ARID1A: variants seen among roughly 807,000 people sequenced by gnomAD.
ARID1A encodes AT-rich interaction domain 1A.
In ARID1A, 20 loss-of-function variants were observed where a neutral mutation model predicts 212.6. That is an observed-to-expected ratio of 0.09 (90% CI 0.07 to 0.14). The LOEUF (loss-of-function observed/expected upper bound fraction) is 0.14, where lower values mean the gene tolerates loss of function less well. ARID1A is among the 10% of genes least tolerant of loss of function. The pLI is 1.00. For synonymous variants in ARID1A, 1,376 were observed against 1,222.1 expected (o/e 1.13, Z -2.63); for missense variants, 2,587 against 3,059.0 (o/e 0.85, Z 3.64).
rs369299358 is a variant in ARID1A, at chr1:26,773,338, A to G, written c.3716-8A>G. ...CAGTTTGTTCACCGCTTGCCTTTCT[A>G]CGCTCAGCTCCAGGGAGTGATCCCT... On this transcript the variant is annotated splice_polypyrimidine_tract_variant and splice_region_variant and intron_variant, in intron 14 of 19. Transcript: ENST00000324856. The G allele has an allele frequency of 5.1e-6, 8 of 1,561,884 alleles. No homozygotes were observed. The highest frequency in any genetic ancestry group is 2.0e-5 in the Admixed American group (1 of 50,280).
chr1:26,725,075 ATG>A (rs2080603943), intron 1 of ARID1A, among the ~76,000 whole-genome samples: 1 of 152,004 alleles, frequency 6.6e-6, no homozygotes. Flanking sequence ...CCTCTCAATT[ATG>A]TGTCTCTGTG....
intron 4 of ARID1A, among the ~76,000 whole-genome samples, chr1:26,754,873 C>CT (rs1343548222): frequency 6.6e-6 from 1 of 152,204 alleles, no homozygotes; most frequent in Non-Finnish European, 1.5e-5. Flanking sequence ...GATCCCAGCA[C>CT]TTTGGGAGGC....
rs769457045 is a variant in ARID1A, at chr1:26,696,399, G to C, written c.-5G>C. On this transcript the variant is annotated 5_prime_UTR_variant, in exon 1 of 20. Transcript: ENST00000324856. Reference sequence around the variant, plus strand: ...GGTCTCTCCGCGGACGAGACAGCGGGGATCATGGCCGCGCAGGTCGCCCCC... The same window carrying C: ...GGTCTCTCCGCGGACGAGACAGCGGCGATCATGGCCGCGCAGGTCGCCCCC... 5.5e-6 allele frequency: 7 copies of C among 1,273,082 alleles called. No individual in the cohort carries two copies. Among genetic ancestry groups the C allele is most frequent in the African/African-American group, 1.6e-5 (1 of 63,436 alleles). 78.9% of individuals were successfully genotyped at this position (1,273,082 alleles called of 1,614,324 possible). A position where few individuals can be genotyped will look rare whatever the true frequency, so the allele number is the denominator to read the frequency against.
At chr1:26,747,334 T>G (rs868005653) in intron 4 of ARID1A, among the ~76,000 whole-genome samples, 4 of 152,184 alleles carry the variant, frequency 2.6e-5, no homozygotes, top group African/African-American at 9.7e-5. Context: ...CTAGCTTCCT[T>G]CCCATTTGAC....
At chr1:26,773,230 C>CT in intron 14 of ARID1A, 116 bp from the exon 15 acceptor site, 1 of 1,423,962 alleles carries the variant, frequency 7.0e-7, no homozygotes, top group Non-Finnish European at 9.5e-7. Context: ...CTGTTTTGAA[C>CT]TTGTCTGGAA....
intron 10 of ARID1A, 23 bp downstream of exon 10, chr1:26,766,589 C>T: frequency 6.3e-7 from 1 of 1,578,432 alleles, no homozygotes; most frequent in Admixed American, 1.9e-5. Flanking sequence ...GTCTTGACTC[C>T]TTTCAACTTT....
chr1:26,733,403 C>A (rs2080699166), intron 4 of ARID1A, among the ~76,000 whole-genome samples: 1 of 152,072 alleles, frequency 6.6e-6, no homozygotes, highest in African/African-American at 2.4e-5. Flanking sequence ...AGCCAGAGTT[C>A]CTGGCTCTAG....
At chr1:26,773,295 C>A (rs2081100288) in intron 14 of ARID1A, 51 bp from the exon 15 acceptor site, 1 of 1,524,212 alleles carries the variant, frequency 6.6e-7, no homozygotes, top group African/African-American at 1.4e-5. Flanking sequence ...GGGTAGATTA[C>A]CAGGCTTGTC....
chr1:26,780,541 C>G lies in ARID1A; in HGVS notation c.6643C>G (p.Leu2215Val), dbSNP rs2124151332. ...ACAGTTCCAGCAGAGCCAGGCCAGC[C>G]TCCTCCACATGCAGAACCCACCCTT... ...ATQFQQSQAS[L>V]LHMQNPPFEP... The change falls in exon 20 of 20, where the codon CTC (leucine) becomes GTC (valine). Residue 2215 changes from leucine to valine, a missense_variant. Around this residue, in one of 11 missense-constraint regions of ARID1A, gnomAD observed 24 missense variants for 16.5 expected, o/e 1.46. Transcript: ENST00000324856. This position sits in a 1 kb window ranked among gnomAD's most constrained non-coding sequence, Gnocchi z 7.2. 1 of 1,614,172 alleles carries G rather than the reference C, an allele frequency of 6.2e-7. No individual in the cohort carries two copies. Among genetic ancestry groups the G allele is most frequent in the South Asian group, 1.1e-5 (1 of 91,088 alleles).
chr1:26,705,652 A>G (rs1393001594), intron 1 of ARID1A, among the ~76,000 whole-genome samples: 1 of 152,218 alleles, frequency 6.6e-6, no homozygotes, highest in Non-Finnish European at 1.5e-5. Flanking sequence ...AACTCTGATC[A>G]TTCCCAGGTT....
intron 11 of ARID1A, chr1:26,769,531 G>C (rs550967085): frequency 2.0e-5 from 3 of 152,150 alleles, no homozygotes. Context: ...TTCCCACCAA[G>C]GCCATCTCCA....
chr1:26,759,459 C>T (rs1046421329), intron 4 of ARID1A, among the ~76,000 whole-genome samples: 4 of 152,116 alleles, frequency 2.6e-5, no homozygotes, highest in Non-Finnish European at 4.4e-5. Context: ...CTGCCCGCCT[C>T]GGCCTCCCAA....
rs370142648 is a variant in ARID1A, at chr1:26,775,691, C to G, written c.5108C>G (p.Thr1703Ser). 8.1e-6 allele frequency: 13 copies of G among 1,614,082 alleles called. No homozygotes were observed. Among genetic ancestry groups the G allele is most frequent in the African/African-American group, 1.3e-5 (1 of 74,910 alleles). The change falls in exon 19 of 20, where the codon ACC (threonine) becomes AGC (serine). Residue 1703 changes from threonine (T) to serine (S), a missense_variant. By Grantham distance (58) the Thr-to-Ser change is moderately conservative. This residue lies in a region of ARID1A where 890 missense variants were observed against 1,098.2 expected (regional missense o/e 0.81). Coordinates refer to ENST00000324856, the MANE Select transcript of ARID1A (RefSeq NM_006015.6). ...ILLYDDNSIM[T>S]FNLSQLPGLL... ...CTGTATGATGACAACAGCATCATGA[C>G]CTTCAACCTCAGTCAGGTGAGTATC...
At chr1:26,768,799 A>G (rs964608702) in intron 11 of ARID1A, among the ~76,000 whole-genome samples, 3 of 152,314 alleles carry the variant, frequency 2.0e-5, no homozygotes, top group Admixed American at 2.0e-4. Context: ...TGTGCCTTGC[A>G]GACTTCCCTC....
chr1:26,710,122 G>A (rs2080436230), intron 1 of ARID1A, among the ~76,000 whole-genome samples: 2 of 142,064 alleles, frequency 1.4e-5, no homozygotes, highest in East Asian at 2.5e-4. Context: ...GTGAGCCACC[G>A]CACCCGGCCT....
At chr1:26,744,207 G>C (rs567458043) in intron 4 of ARID1A, among the ~76,000 whole-genome samples, 2 of 152,188 alleles carry the variant, frequency 1.3e-5, no homozygotes, top group African/African-American at 4.8e-5. Context: ...TAGTCACACT[G>C]TTCCAACCCT....
intron 1 of ARID1A, among the ~76,000 whole-genome samples, chr1:26,698,549 A>G (rs1024601352): frequency 2.0e-5 from 3 of 152,246 alleles, no homozygotes; most frequent in African/African-American, 4.8e-5. Flanking sequence ...AGAGGAGGCA[A>G]TGGCATTTTG....
chr1:26,714,435 A>ACGGAAT (rs953753095), intron 1 of ARID1A, among the ~76,000 whole-genome samples: 2 of 147,518 alleles, frequency 1.4e-5, no homozygotes, highest in African/African-American at 4.9e-5. Flanking sequence ...TGTTTTTGAG[A>ACGGAAT]CGGAATCTCG....
chr1:26,738,787 G>A (rs1477931148), intron 4 of ARID1A, among the ~76,000 whole-genome samples: 1 of 151,956 alleles, frequency 6.6e-6, no homozygotes, highest in African/African-American at 2.4e-5. Flanking sequence ...TCGAACTCCT[G>A]ACCTCAAGTG....
Sources: allele counts gnomAD v4.1 joint callset (sites outside exome capture counted in the v4.1 genomes callset), GRCh38; gene constraint gnomAD v4.1.1; regional missense constraint gnomAD v4.1.1; non-coding constraint Gnocchi (gnomAD v3.1); transcripts MANE v1.5; gene names NCBI Gene and HGNC (gene_info 2026-07-23, HGNC 2026-07-21).